The following PDE1C variants were observed in gnomAD, a reference collection of about 807,000 sequenced individuals.
PDE1C encodes phosphodiesterase 1C, also known as dual specificity calcium/calmodulin-dependent 3',5'-cyclic nucleotide phosphodiesterase 1C.
In PDE1C, 62 loss-of-function variants were observed where a neutral mutation model predicts 93.1. The ratio of observed to expected loss-of-function variants is 0.67; its 90% CI spans 0.54 to 0.82. The LOEUF (loss-of-function observed/expected upper bound fraction) is 0.82. Among genes scored for constraint, PDE1C ranks in the 40% least tolerant of loss-of-function variants. The probability of loss-of-function intolerance (pLI) is 0.00; values close to 1 mark genes in which losing one functional copy is unlikely to be tolerated. For missense variants in PDE1C, 742 were observed against 884.6 expected (o/e 0.84, Z 2.04); for synonymous variants, 325 against 310.1 (o/e 1.05, Z -0.50).
chr7:31,641,384 A>G, the PDE1C span, among the ~76,000 whole-genome samples: 1 of 152,130 alleles, frequency 6.6e-6, no homozygotes, highest in African/African-American at 2.4e-5. Context: ...CTTGTATTCT[A>G]AGGAGGCCAC....
At chr7:31,632,656 T>A in the PDE1C span, among the ~76,000 whole-genome samples, 3 of 152,086 alleles carry the variant, frequency 2.0e-5, no homozygotes, top group Admixed American at 6.6e-5. Flanking sequence ...CCTTAGGCTG[T>A]GTGTATGGAA....
chr7:32,209,486 C>T (rs567043325), intron 2 of PDE1C: 41 of 1,570,750 alleles, frequency 2.6e-5, no homozygotes, highest in African/African-American at 1.8e-4. Flanking sequence ...AAGATTTACT[C>T]ACGAGAGAAG....
intron 1 of PDE1C, among the ~76,000 whole-genome samples, chr7:32,396,009 G>A (rs1364548946): frequency 2.0e-5 from 3 of 151,974 alleles, no homozygotes; most frequent in African/African-American, 4.8e-5. Flanking sequence ...AAAAGTGAAC[G>A]CAATCACAAT....
At chr7:32,332,130 T>C (rs77125266) in intron 1 of PDE1C, among the ~76,000 whole-genome samples, 36 of 152,320 alleles carry the variant, frequency 2.4e-4, no homozygotes, top group Middle Eastern at 3.4e-3. Context: ...GCATTTTCTA[T>C]ATATTGTATA....
intron 3 of PDE1C, among the ~76,000 whole-genome samples, chr7:32,150,175 C>A (rs1801152632): frequency 6.6e-6 from 1 of 152,208 alleles, no homozygotes; most frequent in Non-Finnish European, 1.5e-5. Context: ...TCCCAAAGTG[C>A]CCTGGCTGGC....
chr7:32,408,900 G>A (rs112152079), intron 1 of PDE1C, among the ~76,000 whole-genome samples: 1 of 152,170 alleles, frequency 6.6e-6, no homozygotes, highest in Non-Finnish European at 1.5e-5. Context: ...AATAGAATTT[G>A]CCTACAGATT....
At chr7:32,339,895 A>G (rs892766070) in intron 1 of PDE1C, among the ~76,000 whole-genome samples, 1 of 152,158 alleles carries the variant, frequency 6.6e-6, no homozygotes, top group Non-Finnish European at 1.5e-5. Context: ...GTGGTCTTAC[A>G]TTTGAAATGA....
chr7:31,833,037 T>C (rs1790620455), intron 11 of PDE1C, among the ~76,000 whole-genome samples: 1 of 152,164 alleles, frequency 6.6e-6, no homozygotes, highest in South Asian at 2.1e-4. Flanking sequence ...TCCCATGTGT[T>C]GTGGAAGGGA....
the PDE1C span, among the ~76,000 whole-genome samples, chr7:31,640,263 T>C: frequency 6.6e-6 from 1 of 152,228 alleles, no homozygotes; most frequent in Non-Finnish European, 1.5e-5. Flanking sequence ...TTCCAGGCTC[T>C]GGATGAGTAC....
intron 2 of PDE1C, among the ~76,000 whole-genome samples, chr7:31,971,441 A>G (rs1477915338): frequency 6.6e-6 from 1 of 152,124 alleles, no homozygotes; most frequent in African/African-American, 2.4e-5. Flanking sequence ...CAGTTTCCTC[A>G]TCAATCAAAT....
intron 7 of PDE1C, among the ~76,000 whole-genome samples, chr7:31,852,291 A>G (rs1000125124): frequency 6.6e-6 from 1 of 152,250 alleles, no homozygotes; most frequent in African/African-American, 2.4e-5. Flanking sequence ...TCCTAACAGA[A>G]TCCAGCATGA....
chr7:31,853,649 A>G lies in PDE1C; in HGVS notation c.751-2908T>C, dbSNP rs1793621068. On this transcript the variant is annotated intron_variant, in intron 7 of 17. Coordinates refer to ENST00000396191, the MANE Select transcript of PDE1C (RefSeq NM_001191057.4). ...CCATCAGCTCCCCACTTCAGGAAGGATATTTGGACAGGAGGAGAGAAGGGA... is the reference window on the plus strand; with the variant it reads ...CCATCAGCTCCCCACTTCAGGAAGGGTATTTGGACAGGAGGAGAGAAGGGA... 2.0e-5 allele frequency among the ~76,000 whole-genome samples: 3 copies of G among 151,880 alleles called. No individual in the cohort carries two copies. In the South Asian group the frequency reaches 6.3e-4, roughly 32 times the overall value.
intron 3 of PDE1C, among the ~76,000 whole-genome samples, chr7:32,078,964 C>G (rs1796507081): frequency 6.6e-6 from 1 of 151,808 alleles, no homozygotes; most frequent in African/African-American, 2.4e-5. Context: ...GCTTTATACT[C>G]TTGCCAATAG....
chr7:32,120,747 A>T lies in PDE1C; in HGVS notation c.308+49038T>A, dbSNP rs935475392. Among the ~76,000 whole-genome samples the T allele has an allele frequency of 5.5e-4, 84 of 152,306 alleles. 1 individual carries two copies. Among genetic ancestry groups the T allele is most frequent in the African/African-American group, 1.9e-3 (81 of 41,576 alleles). ...TTCAGCAGCCTCAAGGATTGAAACT[A>T]AACAAACTCATGAAGATGAGAAAGA... On this transcript the variant is annotated intron_variant, in intron 3 of 18. Transcript: ENST00000396193.
At chr7:32,190,410 T>G (rs917729634) in intron 2 of PDE1C, among the ~76,000 whole-genome samples, 1 of 151,992 alleles carries the variant, frequency 6.6e-6, no homozygotes, top group Non-Finnish European at 1.5e-5. Flanking sequence ...CCAGGGGAGG[T>G]GTGCTAGACA....
intron 1 of PDE1C, among the ~76,000 whole-genome samples, chr7:32,265,477 G>A (rs951233016): frequency 2.0e-5 from 3 of 152,072 alleles, no homozygotes; most frequent in Non-Finnish European, 4.4e-5. Flanking sequence ...TGTAATGGAC[G>A]CCACTATATA....
At chr7:32,290,474 C>G (rs1209024464) in intron 1 of PDE1C, among the ~76,000 whole-genome samples, 1 of 152,154 alleles carries the variant, frequency 6.6e-6, no homozygotes, top group Non-Finnish European at 1.5e-5. Flanking sequence ...TCTTACATTC[C>G]TCAACCTCTT....
intron 3 of PDE1C, among the ~76,000 whole-genome samples, chr7:32,087,547 C>G (rs959903990): frequency 6.6e-6 from 1 of 152,136 alleles, no homozygotes; most frequent in East Asian, 1.9e-4. Context: ...AAGACACATG[C>G]ACACGTATGT....
chr7:31,849,242 T>C (rs565767937), intron 8 of PDE1C, among the ~76,000 whole-genome samples: 1 of 152,312 alleles, frequency 6.6e-6, no homozygotes, highest in African/African-American at 2.4e-5. Flanking sequence ...CTGGTTTTGA[T>C]CCTCGTCTCC....
Sources: allele counts gnomAD v4.1 joint callset (sites outside exome capture counted in the v4.1 genomes callset), GRCh38; gene constraint gnomAD v4.1.1; transcripts MANE v1.5; gene names NCBI Gene and HGNC (gene_info 2026-07-23, HGNC 2026-07-21).